Variants in ETV1 observed in about 807,000 individuals in gnomAD.
ETV1 encodes ETS translocation variant 1.
Under a neutral mutation model 62.3 loss-of-function variants are expected in ETV1, and 27 were observed. The observed-to-expected ratio is 0.43, with a 90% CI of 0.32 to 0.60. The LOEUF is 0.60. ETV1 is among the 20% of genes least tolerant of loss of function. The pLI, the probability that ETV1 is intolerant of heterozygous loss-of-function variation, is 0.06. For missense variants in ETV1, 605 were observed against 605.8 expected (o/e 1.00, Z 0.01); for synonymous variants, 222 against 199.6 (o/e 1.11, Z -0.94).
intron 6 of ETV1, chr7:13,958,637 A>G (rs926492792): frequency 2.6e-5 from 4 of 152,198 alleles, no homozygotes; most frequent in African/African-American, 9.6e-5. Flanking sequence ...GTTTTGGCAC[A>G]CAGCTCTAGC....
At chr7:13,988,717 A>T in intron 3 of ETV1, 2 of 1,612,684 alleles carry the variant, frequency 1.2e-6, no homozygotes, top group Non-Finnish European at 1.7e-6. Flanking sequence ...CCCAGCCAAA[A>T]ACTTTGAGTG....
intron 9 of ETV1, among the ~76,000 whole-genome samples, chr7:13,926,876 A>G (rs1785484210): frequency 1.3e-5 from 2 of 152,104 alleles, no homozygotes; most frequent in South Asian, 2.1e-4. Flanking sequence ...ATAAAAATTT[A>G]TACTCTACTA....
At chr7:13,910,887 G>C (rs1783493188) in intron 10 of ETV1, among the ~76,000 whole-genome samples, 1 of 152,124 alleles carries the variant, frequency 6.6e-6, no homozygotes, top group East Asian at 1.9e-4. Context: ...CCAAAACTAT[G>C]ACTAGGTCTG....
In ETV1 at chr7:13,911,251, T is replaced by G; in HGVS notation, c.859A>C (p.Ser287Arg). 1 of 1,612,706 alleles carries G rather than the reference T, an allele frequency of 6.2e-7. No individual in the cohort carries two copies. Among genetic ancestry groups the G allele is most frequent in the Non-Finnish European group, 8.5e-7 (1 of 1,178,886 alleles). The change falls in exon 10 of 14, where the codon AGC (serine) becomes CGC (arginine). Residue 287 changes from serine (S) to arginine (R), a missense_variant. Physicochemically the swap from Ser to Arg is moderately radical, Grantham distance 110. Transcript: ENST00000430479. ...MRQEGFLAHPSRTEGCMFEKG... is the reference protein window; with the variant it reads ...MRQEGFLAHPRRTEGCMFEKG... Reference sequence around the variant, plus strand: ...GTGGACAACTTAACTTCTGTTCTGCTGGGATGAGCCAGGAAGCCTTCTTGC... The same window carrying G: ...GTGGACAACTTAACTTCTGTTCTGCGGGGATGAGCCAGGAAGCCTTCTTGC...
intron 6 of ETV1, among the ~76,000 whole-genome samples, chr7:13,964,504 C>T (rs1346065825): frequency 1.3e-5 from 2 of 151,998 alleles, no homozygotes; most frequent in Non-Finnish European, 2.9e-5. Flanking sequence ...TTATAGATCA[C>T]GATCATACTT....
chr7:13,975,640 T>C (rs1196904487), intron 6 of ETV1, among the ~76,000 whole-genome samples: 1 of 116,200 alleles, frequency 8.6e-6, no homozygotes, highest in Non-Finnish European at 1.8e-5. Flanking sequence ...AAAGAAGAGG[T>C]CCACAAAGAG....
intron 6 of ETV1, among the ~76,000 whole-genome samples, chr7:13,947,984 T>C (rs1038604187): frequency 6.6e-6 from 1 of 152,212 alleles, no homozygotes; most frequent in Non-Finnish European, 1.5e-5. Flanking sequence ...GATACATGTA[T>C]CTGTATGTAT....
Position 13,892,836 on chromosome 7 carries a change from C to T in ETV1, c.*3030G>A, listed in dbSNP as rs985299476. On this transcript the variant is annotated 3_prime_UTR_variant, in exon 14 of 14. Transcript: ENST00000430479. ...TAGAAGTGAAAGCTGGAAGAATCTC[C>T]CCTGGAGCCTCCAGAAGGAACCAGA... 2 of 232,384 alleles carry T rather than the reference C, an allele frequency of 8.6e-6. No individual in the cohort carries two copies. The highest frequency in any genetic ancestry group is 1.8e-4 in the South Asian group (1 of 5,514). The allele number at this position is 232,384 out of a possible 1,614,324, so 14.4% of individuals were successfully genotyped here. A position where few individuals can be genotyped will look rare whatever the true frequency, so the allele number is the denominator to read the frequency against.
At chr7:13,969,050 C>A (rs1780599655) in intron 6 of ETV1, among the ~76,000 whole-genome samples, 1 of 152,114 alleles carries the variant, frequency 6.6e-6, no homozygotes. Flanking sequence ...GGCTTTGTGA[C>A]AGACATGGAA....
chr7:13,981,117 T>G (rs907374266), intron 5 of ETV1, among the ~76,000 whole-genome samples: 1 of 151,816 alleles, frequency 6.6e-6, no homozygotes, highest in Non-Finnish European at 1.5e-5. Context: ...AAGGAAAAAG[T>G]GGAAGAATTA....
intron 13 of ETV1, 102 bp from the exon 14 acceptor site, chr7:13,896,189 TGGG>T (rs1781755140): frequency 1.2e-6 from 1 of 828,766 alleles, no homozygotes; most frequent in Admixed American, 2.8e-5. Context: ...CAGGAAAGGA[TGGG>T]TAACTCTGGC....
chr7:13,978,287 G>C (rs1447396557), intron 5 of ETV1, among the ~76,000 whole-genome samples: 2 of 152,000 alleles, frequency 1.3e-5, no homozygotes, highest in Non-Finnish European at 2.9e-5. Context: ...AAACACAAGT[G>C]CATTTTTCAC....
Position 13,891,930 on chromosome 7 carries a change from CTG to C in ETV1, c.*3934_*3935del. On this transcript the variant is annotated 3_prime_UTR_variant, in exon 14 of 14. Coordinates refer to ENST00000430479, the MANE Select transcript of ETV1 (RefSeq NM_004956.5). ...ACAAACATCCAAATGACCTTCTCCT[CTG>C]TAATGTTTTCTCATTACAAGCTCTG... 2 of 231,728 alleles carry C rather than the reference CTG, an allele frequency of 8.6e-6. No individual in the cohort carries two copies. The highest frequency in any genetic ancestry group is 1.2e-4 in the East Asian group (2 of 16,252). The allele number at this position is 231,728 out of a possible 1,614,324, so 14.4% of individuals were successfully genotyped here.
intron 9 of ETV1, among the ~76,000 whole-genome samples, chr7:13,928,029 C>A (rs1321643890): frequency 6.6e-6 from 1 of 152,070 alleles, no homozygotes; most frequent in Non-Finnish European, 1.5e-5. Flanking sequence ...AAAAGAGATG[C>A]CATACATACC....
At chr7:13,922,589 C>G (rs967433661) in intron 9 of ETV1, among the ~76,000 whole-genome samples, 1 of 152,090 alleles carries the variant, frequency 6.6e-6, no homozygotes, top group Non-Finnish European at 1.5e-5. Context: ...CTTTAAAACA[C>G]ATCAGCCAAA....
At chr7:13,967,137 G>A (rs536569213) in intron 6 of ETV1, among the ~76,000 whole-genome samples, 77 of 152,160 alleles carry the variant, frequency 5.1e-4, no homozygotes, top group Non-Finnish European at 4.9e-4. Context: ...GATCTCATTT[G>A]CAAAATATAA....
At chr7:13,909,273 C>A (rs1005968888) in intron 11 of ETV1, among the ~76,000 whole-genome samples, 11 of 152,080 alleles carry the variant, frequency 7.2e-5, no homozygotes, top group African/African-American at 1.9e-4. Flanking sequence ...CACAGCAGCA[C>A]GTTTTCTGCT....
chr7:13,918,844 T>G (rs1205617346), intron 9 of ETV1, among the ~76,000 whole-genome samples: 2 of 143,812 alleles, frequency 1.4e-5, no homozygotes, highest in African/African-American at 2.7e-5. Flanking sequence ...CTGCACAATG[T>G]GCACATGTAC....
chr7:13,965,453 AT>A (rs199809833), intron 6 of ETV1, among the ~76,000 whole-genome samples: 36 of 148,494 alleles, frequency 2.4e-4, no homozygotes, highest in East Asian at 2.4e-3. Context: ...AGCCACGCAG[AT>A]TTTTTTTTTT....
Sources: gnomAD v4.1 joint callset for allele counts (sites outside exome capture counted in the v4.1 genomes callset) on GRCh38, gnomAD v4.1.1 for gene constraint, MANE v1.5 for transcripts, NCBI Gene and HGNC (gene_info 2026-07-23, HGNC 2026-07-21) for gene names.